The following CFAP221 variants were observed in gnomAD, a reference collection of about 807,000 sequenced individuals.
CFAP221 encodes the protein cilia and flagella associated protein 221.
CFAP221 carries 97 observed loss-of-function variants against 113.1 expected under a neutral mutation model. That is an observed-to-expected ratio of 0.86 (90% CI 0.73 to 1.02). The LOEUF is 1.02. Ranked by LOEUF, CFAP221 falls within the 50% of genes least tolerant of loss-of-function variation. The pLI, the probability that CFAP221 is intolerant of heterozygous loss-of-function variation, is 0.00. For missense variants in CFAP221, 1,025 were observed against 1,013.4 expected (o/e 1.01, Z -0.16); for synonymous variants, 331 against 354.4 (o/e 0.93, Z 0.74).
At chr2:119,596,943 C>T (rs1206871091) in intron 7 of CFAP221, among the ~76,000 whole-genome samples, 1 of 152,212 alleles carries the variant, frequency 6.6e-6, no homozygotes. Context: ...AAAAGGAAGA[C>T]CTAGTGCTTT....
At chr2:119,563,944 G>T (rs1282841181) in intron 6 of CFAP221, among the ~76,000 whole-genome samples, 1 of 152,216 alleles carries the variant, frequency 6.6e-6, no homozygotes, top group African/African-American at 2.4e-5. Flanking sequence ...CATCTTGCAG[G>T]TGATGAATGG....
chr2:119,582,310 A>G (rs1219306434), intron 6 of CFAP221, among the ~76,000 whole-genome samples: 2 of 152,196 alleles, frequency 1.3e-5, no homozygotes, highest in Non-Finnish European at 2.9e-5. Flanking sequence ...TTTAAGCTAA[A>G]ACTACAACTC....
rs142261379 is a variant in CFAP221 at position 119,654,199 on chromosome 2, G to A, written c.2414+2130G>A. 2.6e-3 allele frequency among the ~76,000 whole-genome samples: 393 copies of A among 152,186 alleles called. 2 individuals are homozygous for A. Among genetic ancestry groups the A allele is most frequent in the African/African-American group, 9.1e-3 (377 of 41,522 alleles). ...TCAGAAAACAGATTGGCAGTTTCTG[G>A]TAAAAGAAAATGTAAGAAACAAAAT... On this transcript the variant is annotated intron_variant, in intron 23 of 23. Coordinates refer to ENST00000413369, the MANE Select transcript of CFAP221 (RefSeq NM_001271049.2).
chr2:119,639,742 A>C (rs773647824), intron 20 of CFAP221, 39 bp from the exon 21 acceptor site: 2 of 1,536,110 alleles, frequency 1.3e-6, no homozygotes, highest in Non-Finnish European at 1.8e-6. Flanking sequence ...ACTTTACCTC[A>C]CCAAACAGTT....
At chr2:119,641,567 C>A (rs1263249871) in intron 21 of CFAP221, among the ~76,000 whole-genome samples, 6 of 152,174 alleles carry the variant, frequency 3.9e-5, no homozygotes, top group African/African-American at 1.4e-4. Flanking sequence ...GCCCTTCGAG[C>A]AATAATCTCC....
chr2:119,625,251 G>A (rs1014548706), intron 14 of CFAP221, among the ~76,000 whole-genome samples: 2 of 152,174 alleles, frequency 1.3e-5, no homozygotes, highest in African/African-American at 4.8e-5. Context: ...CACAGTGGTA[G>A]CATTACTATT....
At chr2:119,589,152 T>G (rs1172670681) in intron 7 of CFAP221, among the ~76,000 whole-genome samples, 1 of 152,230 alleles carries the variant, frequency 6.6e-6, no homozygotes, top group East Asian at 1.9e-4. Context: ...TTCAGCCTCC[T>G]CGGTAGCTAT....
intron 21 of CFAP221, among the ~76,000 whole-genome samples, chr2:119,645,528 T>C (rs1687751020): frequency 6.6e-6 from 1 of 151,908 alleles, no homozygotes; most frequent in Non-Finnish European, 1.5e-5. Context: ...AGTCATTCTA[T>C]ATCAGCTCAC....
At position 119,562,083 on chromosome 2, in the gene CFAP221, A is replaced by G. The variant is rs891446049; in HGVS notation, c.496A>G (p.Ile166Val). 1.3e-6 allele frequency: 2 copies of G among 1,534,886 alleles called. No individual in the cohort carries two copies. Among genetic ancestry groups the G allele is most frequent in the Admixed American group, 2.0e-5 (1 of 50,852 alleles). Residue 166 changes from isoleucine (I) to valine (V), a missense_variant, in exon 6 of 24, where the codon ATA becomes GTA. Physicochemically the swap from Ile to Val is conservative, Grantham distance 29. Transcript: ENST00000413369. ...VMNSLDFPSF[I>V]NLSNVLLGES... ...GAACTCACTAGACTTTCCTTCATTT[A>G]TAAATCTGTCAAATGTTCTACTTGG...
Position 119,581,347 on chromosome 2 carries a change from T to G in CFAP221, c.528-5772T>G, listed in dbSNP as rs559493586. Among the ~76,000 whole-genome samples the G allele has an allele frequency of 4.6e-5, 7 of 152,166 alleles. No homozygotes were observed. The South Asian group carries it at 1.5e-3, about 32-fold the overall frequency. ...ATGTCAAGAAATTATGAAACAAAAATAGATGGACATTGTTTTAAAGATCAG... is the reference window on the plus strand; with the variant it reads ...ATGTCAAGAAATTATGAAACAAAAAGAGATGGACATTGTTTTAAAGATCAG... On this transcript the variant is annotated intron_variant, in intron 6 of 23. Transcript: ENST00000413369.
intron 10 of CFAP221, 40 bp downstream of exon 10, chr2:119,605,027 A>G: frequency 6.3e-7 from 1 of 1,579,906 alleles, no homozygotes; most frequent in South Asian, 1.1e-5. Context: ...CCTGAGCAGA[A>G]TATGAAAGAG....
downstream of CFAP221, among the ~76,000 whole-genome samples, chr2:119,657,184 T>C (rs570467641): frequency 6.6e-6 from 1 of 152,360 alleles, no homozygotes; most frequent in East Asian, 1.9e-4. Context: ...AACCCAAAAT[T>C]ATCCAAATAT....
intron 14 of CFAP221, among the ~76,000 whole-genome samples, chr2:119,617,530 G>C (rs1283831378): frequency 6.6e-6 from 1 of 152,224 alleles, no homozygotes; most frequent in Non-Finnish European, 1.5e-5. Context: ...GAGCCTTCCA[G>C]CCTGAAAAAG....
At chr2:119,647,648 G>A (rs893300934) in intron 22 of CFAP221, among the ~76,000 whole-genome samples, 2 of 152,002 alleles carry the variant, frequency 1.3e-5, no homozygotes, top group Admixed American at 6.5e-5. Context: ...GGCTCACCTG[G>A]CATTGCCCCA....
At chr2:119,625,768 C>A in intron 15 of CFAP221, 80 bp downstream of exon 15, 1 of 1,207,652 alleles carries the variant, frequency 8.3e-7, no homozygotes, top group Non-Finnish European at 1.2e-6. Flanking sequence ...ATGAAGTTAG[C>A]TCTATGCAAA....
intron 19 of CFAP221, 187 bp downstream of exon 19, chr2:119,631,088 G>A (rs1686743985): frequency 4.7e-6 from 6 of 1,270,066 alleles, no homozygotes; most frequent in Non-Finnish European, 5.0e-6. Flanking sequence ...CCGTCTTTTA[G>A]CAATTCCTGC....
intron 6 of CFAP221, among the ~76,000 whole-genome samples, chr2:119,574,703 T>C (rs1366821156): frequency 6.6e-6 from 1 of 152,144 alleles, no homozygotes; most frequent in African/African-American, 2.4e-5. Context: ...CACACATGCA[T>C]GCACACACAC....
chr2:119,572,550 G>A (rs1336643425), intron 6 of CFAP221: 2 of 701,200 alleles, frequency 2.9e-6, no homozygotes, highest in Non-Finnish European at 5.2e-6. Flanking sequence ...TTACCCAACA[G>A]CGTCTTCCTG....
chr2:119,613,026 A>G (rs1227545572), intron 13 of CFAP221, among the ~76,000 whole-genome samples: 3 of 152,242 alleles, frequency 2.0e-5, no homozygotes, highest in East Asian at 1.9e-4. Flanking sequence ...CAAAGGGGCT[A>G]CAAGGCCCCA....
Sources: gnomAD v4.1 joint callset for allele counts (sites outside exome capture counted in the v4.1 genomes callset) on GRCh38, gnomAD v4.1.1 for gene constraint, MANE v1.5 for transcripts, NCBI Gene and HGNC (gene_info 2026-07-23, HGNC 2026-07-21) for gene names.